EML5: variants seen among roughly 807,000 people sequenced by gnomAD.
EML5 encodes the protein echinoderm microtubule-associated protein-like 5.
Under a neutral mutation model 250.0 loss-of-function variants are expected in EML5, and 120 were observed. That is an observed-to-expected ratio of 0.48 (90% CI 0.41 to 0.56). The LOEUF (loss-of-function observed/expected upper bound fraction) is 0.56. Ranked by LOEUF, EML5 falls within the 20% of genes least tolerant of loss-of-function variation. The pLI is 0.00. For missense variants in EML5, 2,006 were observed against 2,437.6 expected (o/e 0.82, Z 3.73); for synonymous variants, 771 against 806.5 (o/e 0.96, Z 0.75).
chr14:88,639,856 C>T (rs1024593348), intron 31 of EML5, among the ~76,000 whole-genome samples: 9 of 152,112 alleles, frequency 5.9e-5, no homozygotes, highest in South Asian at 4.1e-4. Flanking sequence ...GCTGGGATTA[C>T]GGGCATGAGC....
chr14:88,718,035 T>C (rs1426760293), intron 8 of EML5, among the ~76,000 whole-genome samples: 1 of 152,192 alleles, frequency 6.6e-6, no homozygotes, highest in Non-Finnish European at 1.5e-5. Flanking sequence ...GTGGTGCTGA[T>C]GGATTACAGA....
intron 27 of EML5, among the ~76,000 whole-genome samples, chr14:88,651,814 C>A (rs1032163826): frequency 6.6e-6 from 1 of 151,918 alleles, no homozygotes; most frequent in African/African-American, 2.4e-5. Context: ...TAAGTATTTA[C>A]CAGGTATCTC....
At chr14:88,619,061 A>T (rs1014075011) in intron 39 of EML5, 6 of 293,264 alleles carry the variant, frequency 2.0e-5, no homozygotes, top group African/African-American at 1.3e-4. Flanking sequence ...AAAAACGTCT[A>T]ATGGCTTAAA....
chr14:88,665,212 C>A, intron 22 of EML5, 125 bp downstream of exon 22: 2 of 1,023,548 alleles, frequency 2.0e-6, no homozygotes, highest in Non-Finnish European at 2.8e-6. Context: ...TCTTGCTACA[C>A]TGCCTCTTCT....
rs1346215115 is a variant in EML5, at chr14:88,620,864, C to T, written c.5265G>A (p.Gly1755=). The T allele has an allele frequency of 1.3e-6, 2 of 1,585,064 alleles. No homozygotes were observed. The highest frequency in any genetic ancestry group is 3.7e-5 in the Admixed American group (2 of 54,492). Residue 1755 remains glycine, a synonymous_variant, in exon 39 of 44, where the codon GGG becomes GGA. Coordinates refer to ENST00000554922, the MANE Select transcript of EML5 (RefSeq NM_183387.3). This position sits in a 1 kb window ranked among gnomAD's most constrained non-coding sequence, Gnocchi z 4.3. ...AARTVCYSPE[G]DMVAIGMKNG... Reference sequence around the variant, plus strand: ...TTTTCATTCCAATAGCCACCATGTCCCCTTCAGGGCTGTAACACACAGTAC... The same window carrying T: ...TTTTCATTCCAATAGCCACCATGTCTCCTTCAGGGCTGTAACACACAGTAC...
chr14:88,758,780 T>C (rs2094197733), intron 1 of EML5, among the ~76,000 whole-genome samples: 1 of 152,218 alleles, frequency 6.6e-6, no homozygotes, highest in East Asian at 1.9e-4. Flanking sequence ...TCCAAATGTT[T>C]GACTGAATCA....
chr14:88,664,666 A>G (rs757143565), intron 22 of EML5, 42 bp from the exon 23 acceptor site: 161 of 1,587,100 alleles, frequency 1.0e-4, no homozygotes, highest in Non-Finnish European at 1.2e-4. Flanking sequence ...CTATCTTTGG[A>G]AATACTTTTT....
At position 88,762,171 on chromosome 14, in the gene EML5, C is replaced by T. The variant is rs142058929; in HGVS notation, c.198-7500G>A. On this transcript the variant is annotated intron_variant, in intron 1 of 43. Transcript: ENST00000554922. ...ATGATAGTTTATAAATGTATATGCA[C>T]CCAATACAGGAGCACCCAGATTCAT... Among the ~76,000 whole-genome samples the T allele has an allele frequency of 3.8e-3, 574 of 152,162 alleles. 3 individuals carry two copies. The highest frequency in any genetic ancestry group is 0.013 in the African/African-American group (552 of 41,520).
At chr14:88,756,733 T>C (rs1375067106) in intron 1 of EML5, among the ~76,000 whole-genome samples, 1 of 152,074 alleles carries the variant, frequency 6.6e-6, no homozygotes, top group Non-Finnish European at 1.5e-5. Context: ...CCACTTACAG[T>C]AGCATCAAGA....
At chr14:88,772,817 T>A (rs929034043) in intron 1 of EML5, among the ~76,000 whole-genome samples, 3 of 152,158 alleles carry the variant, frequency 2.0e-5, no homozygotes, top group African/African-American at 7.2e-5. Context: ...TTTCCTTTTG[T>A]TCACTACACT....
chr14:88,693,846 C>T (rs1248545225), intron 17 of EML5, among the ~76,000 whole-genome samples: 1 of 138,548 alleles, frequency 7.2e-6, no homozygotes, highest in African/African-American at 2.7e-5. Context: ...TCACAGCTCA[C>T]TGCAGCCTTA....
At chr14:88,676,182 G>C (rs2092589520) in intron 21 of EML5, among the ~76,000 whole-genome samples, 1 of 152,052 alleles carries the variant, frequency 6.6e-6, no homozygotes, top group Admixed American at 6.6e-5. Flanking sequence ...CACTCTACTG[G>C]TACCACTTTA....
chr14:88,637,425 TAACTA>T lies in EML5; in HGVS notation c.4336+1379_4336+1383del, dbSNP rs560097587. 1.4e-3 allele frequency among the ~76,000 whole-genome samples: 215 copies of T among 152,282 alleles called. 2 individuals are homozygous for T. Among genetic ancestry groups the T allele is most frequent in the African/African-American group, 5.1e-3 (211 of 41,552 alleles). On this transcript the variant is annotated intron_variant, in intron 32 of 43. Transcript: ENST00000554922. ...ATTAATTTGTGACCATGACATTTCT[TAACTA>T]AGAAAGAAAACCACAGCACTAAAAT...
intron 37 of EML5, 109 bp downstream of exon 37, chr14:88,622,495 C>T (rs2089182887): frequency 1.2e-6 from 1 of 826,798 alleles, no homozygotes; most frequent in Non-Finnish European, 1.7e-6. Flanking sequence ...GCAAATCCAT[C>T]GTTATGCATT....
At chr14:88,618,617 T>C (rs763029222) in intron 40 of EML5, 33 bp downstream of exon 40, 1 of 1,581,048 alleles carries the variant, frequency 6.3e-7, no homozygotes, top group Non-Finnish European at 8.6e-7. Flanking sequence ...GCAGAAGAAC[T>C]TGCCACCTGG....
chr14:88,715,782 C>T (rs748162097), intron 8 of EML5, among the ~76,000 whole-genome samples: 1 of 151,906 alleles, frequency 6.6e-6, no homozygotes, highest in African/African-American at 2.4e-5. Flanking sequence ...CATACCTCAG[C>T]CTCCCGAGTA....
chr14:88,618,000 T>C lies in EML5; in HGVS notation c.5642+228A>G, dbSNP rs1458661431. On this transcript the variant is annotated intron_variant, in intron 41 of 43. Transcript: ENST00000554922. ...ATCAGGGTATCTTTAAAGTTAAAAC[T>C]TTGATTTCCTTAAAAAAAAAACTTG... 39 of 228,862 alleles carry C rather than the reference T, an allele frequency of 1.7e-4. No homozygotes were observed. The South Asian group carries it at 2.7e-3, about 16-fold the overall frequency. 14.2% of individuals were successfully genotyped at this position (228,862 alleles called of 1,614,324 possible).
rs148804733 is a variant in EML5, at chr14:88,678,955, G to C, written c.3124+2935C>G. ...GATGTTGGCAGAGCTATGCTCCGTT[G>C]TGAAAGTTCTTGGGAATAATCCTTC... On this transcript the variant is annotated intron_variant, in intron 21 of 43. Transcript: ENST00000554922. Among the ~76,000 whole-genome samples, 250 of 152,126 alleles carry C rather than the reference G, an allele frequency of 1.6e-3. 1 individual carries two copies. The highest frequency in any genetic ancestry group is 5.5e-3 in the African/African-American group (228 of 41,510).
At chr14:88,666,866 T>C (rs1475669801) in intron 21 of EML5, among the ~76,000 whole-genome samples, 1 of 152,210 alleles carries the variant, frequency 6.6e-6, no homozygotes, top group Non-Finnish European at 1.5e-5. Flanking sequence ...CAAGTAGTCA[T>C]TTAATTATCA....
Sources: gnomAD v4.1 joint callset for allele counts (sites outside exome capture counted in the v4.1 genomes callset) on GRCh38, gnomAD v4.1.1 for gene constraint, Gnocchi (gnomAD v3.1) non-coding constraint, MANE v1.5 for transcripts, NCBI Gene and HGNC (gene_info 2026-07-23, HGNC 2026-07-21) for gene names.